TTN: variants seen among roughly 807,000 people sequenced by gnomAD.
The protein encoded by TTN is connectin.
TTN carries 1,525 observed loss-of-function variants against 3,223.0 expected under a neutral mutation model. The observed-to-expected ratio is 0.47, with a 90% CI of 0.45 to 0.49. TTN has a LOEUF of 0.49. Ranked by LOEUF, TTN falls within the 20% of genes least tolerant of loss-of-function variation. The probability of loss-of-function intolerance (pLI) is 0.00; values close to 1 mark genes in which losing one functional copy is unlikely to be tolerated. For synonymous variants in TTN, 14,094 were observed against 15,161.0 expected (o/e 0.93, Z 5.17); for missense variants, 40,786 against 43,424.0 (o/e 0.94, Z 5.40).
At chr2:178,604,518 GTATC>G (rs2054289710) in intron 281 of TTN, among the ~76,000 whole-genome samples, 186 bp downstream of exon 281, 1 of 151,986 alleles carries the variant, frequency 6.6e-6, no homozygotes, top group South Asian at 2.1e-4. Flanking sequence ...AATTAAAAGA[GTATC>G]TGTGTATCAA....
intron 111 of TTN, among the ~76,000 whole-genome samples, chr2:178,699,679 G>A (rs1301184535): frequency 6.9e-6 from 1 of 144,870 alleles, no homozygotes; most frequent in African/African-American, 2.5e-5. Flanking sequence ...CCAAAGTGCT[G>A]GGATTACAGG....
At chr2:178,805,601 G>A (rs2094280987) in intron 1 of TTN, among the ~76,000 whole-genome samples, 1 of 152,088 alleles carries the variant, frequency 6.6e-6, no homozygotes, top group Non-Finnish European at 1.5e-5. Context: ...ACGGCATACG[G>A]TGCTTTCTAT....
rs180798672 is a variant in TTN at position 178,553,211 on chromosome 2, G to A, written c.89689C>T (p.Leu29897Phe). 18 of 1,613,842 alleles carry A rather than the reference G, an allele frequency of 1.1e-5. No homozygotes were observed. The highest frequency in any genetic ancestry group is 6.7e-5 in the Admixed American group (4 of 60,022). The change falls in exon 335 of 363, where the codon CTC becomes TTC. Residue 29897 changes from leucine to phenylalanine, a missense_variant. Leu to Phe is a conservative substitution (Grantham distance 22, BLOSUM62 0). Coordinates refer to ENST00000589042, the MANE Select transcript of TTN (RefSeq NM_001267550.2). ...SIENTDSSSL[L>F]TIPQVTRNDT... ...TTGCGAGTAACTTGAGGAATGGTGA[G>A]TAATGAGGATGAATCAGTGTTTTCA... is the stretch of plus-strand genomic sequence containing the variant.
At position 178,564,717 on chromosome 2, in the gene TTN, C is replaced by T. The variant is rs763198311; in HGVS notation, c.81415G>A (p.Glu27139Lys). 3 of 1,613,292 alleles carry T rather than the reference C, an allele frequency of 1.9e-6. No homozygotes were observed. Among genetic ancestry groups the T allele is most frequent in the South Asian group, 2.2e-5 (2 of 91,044 alleles). The change falls in exon 326 of 363, where the codon GAG becomes AAG. Residue 27139 changes from glutamate (E) to lysine (K), a missense_variant. By Grantham distance (56) the Glu-to-Lys change is moderately conservative. Coordinates refer to ENST00000589042, the MANE Select transcript of TTN (RefSeq NM_001267550.2). ...DTKFKTTGLD[E>K]GLEYEFKVSA... The stretch of plus-strand genomic sequence containing the variant: ...ACTTTGAACTCATACTCAAGGCCCT[C>T]ATCAAGCCCAGTTGTTTTGAATTTG...
At chr2:178,747,486 C>A (rs376763463) in intron 47 of TTN, 8 of 1,613,226 alleles carry the variant, frequency 5.0e-6, no homozygotes, top group Non-Finnish European at 6.8e-6. Flanking sequence ...CTTCCCACAC[C>A]AATGGAAATG....
intron 180 of TTN, among the ~76,000 whole-genome samples, chr2:178,659,512 C>T (rs1327206220): frequency 6.7e-6 from 1 of 149,784 alleles, no homozygotes. Context: ...GCTAAAGACT[C>T]TCAATAAATT....
At position 178,684,457 on chromosome 2, in the gene TTN, C is replaced by T. The variant is rs754171749; in HGVS notation, c.32639-44G>A. Reference sequence around the variant, plus strand: ...GATTAGGGAGTTATATCAAAGTGGACGTAAAAAATATACTAGCCAGAAAGT... The same window carrying T: ...GATTAGGGAGTTATATCAAAGTGGATGTAAAAAATATACTAGCCAGAAAGT... On this transcript the variant is annotated intron_variant, in intron 131 of 362. Coordinates refer to ENST00000589042, the MANE Select transcript of TTN (RefSeq NM_001267550.2). 20 of 1,579,938 alleles carry T rather than the reference C, an allele frequency of 1.3e-5. 1 individual carries two copies. The highest frequency in any genetic ancestry group is 3.5e-5 in the Admixed American group (2 of 57,110).
intron 361 of TTN, 57 bp downstream of exon 361, chr2:178,528,216 CA>C (rs560208528): frequency 5.2e-6 from 8 of 1,538,618 alleles, no homozygotes; most frequent in Non-Finnish European, 7.0e-6. Context: ...GAAAGAGAGG[CA>C]AAAAAACGAT....
chr2:178,614,349 C>G lies in TTN; in HGVS notation c.49049-1G>C, dbSNP rs868064056. On this transcript the variant is annotated splice_acceptor_variant, in intron 261 of 362. Coordinates refer to ENST00000589042, the MANE Select transcript of TTN (RefSeq NM_001267550.2). LOFTEE classifies it high-confidence loss of function. ...AAGGCAGCTGGTGGTCCGGGTTTAT[C>G]TGTGTATGGCATTACAGATGCAGAA... The G allele has an allele frequency of 6.2e-7, 1 of 1,602,218 alleles. No homozygotes were observed. Among genetic ancestry groups the G allele is most frequent in the Non-Finnish European group, 8.5e-7 (1 of 1,176,730 alleles).
chr2:178,673,368 G>A (rs2067351218), intron 152 of TTN, among the ~76,000 whole-genome samples: 1 of 151,770 alleles, frequency 6.6e-6, no homozygotes, highest in Non-Finnish European at 1.5e-5. Context: ...CCATTGCTAT[G>A]TGTATAAGTA....
In TTN at chr2:178,718,686, A is replaced by G. The variant is rs776254956; in HGVS notation, c.24505+9T>C. 4 of 1,611,838 alleles carry G rather than the reference A, an allele frequency of 2.5e-6. No homozygotes were observed. The highest frequency in any genetic ancestry group is 3.4e-6 in the Non-Finnish European group (4 of 1,178,530). Reference sequence around the variant, plus strand: ...TTAAAAGATGTATATATTGGGGGAAAGAGCAAACCTTTCACAAAAAGATGT... The same window carrying G: ...TTAAAAGATGTATATATTGGGGGAAGGAGCAAACCTTTCACAAAAAGATGT... On this transcript the variant is annotated intron_variant, in intron 84 of 362. Coordinates refer to ENST00000589042, the MANE Select transcript of TTN (RefSeq NM_001267550.2).
At chr2:178,701,272 C>G in intron 110 of TTN, 69 bp from the exon 111 acceptor site, 1 of 1,405,026 alleles carries the variant, frequency 7.1e-7, no homozygotes. Context: ...AATGAAAAGT[C>G]TCATGCATTT....
chr2:178,581,777 T>A lies in TTN; in HGVS notation c.66491A>T (p.Lys22164Ile), dbSNP rs371081043. The A allele has an allele frequency of 3.1e-5, 49 of 1,600,888 alleles. No homozygotes were observed. In the African/African-American group the frequency reaches 6.2e-4, roughly 20 times the overall value. ...QYPPGPPAFP[K>I]VYDTTRSSVS... ...AGAGCTGCGAGTTGTATCATATACT[T>A]TAGGGAAAGCCGGTGGGCCAGGAGG... Residue 22164 changes from lysine to isoleucine, a missense_variant, in exon 316 of 363, where the codon AAA (lysine) becomes ATA (isoleucine). By Grantham distance (102) the Lys-to-Ile change is moderately radical. Transcript: ENST00000589042.
Position 178,717,693 on chromosome 2 carries a change from T to C in TTN, c.25181A>G (p.Tyr8394Cys). 3.7e-6 allele frequency: 6 copies of C among 1,613,482 alleles called. No homozygotes were observed. The highest frequency in any genetic ancestry group is 1.1e-5 in the South Asian group (1 of 91,052). ...NGSEPLQVSW[Y>C]KDGVLLKDDA... ...ATCTTTCAAAAGAACCCCATCCTTG[T>C]ACCAAGACACTTGAAGAGGTTCTGA... is the stretch of plus-strand genomic sequence containing the variant. Residue 8394 changes from tyrosine (Y) to cysteine (C), a missense_variant, in exon 87 of 363, where the codon TAC (tyrosine) becomes TGC (cysteine). By Grantham distance (194) the Tyr-to-Cys change is radical. Transcript: ENST00000589042.
chr2:178,599,229 T>C lies in TTN; in HGVS notation c.56564A>G (p.Tyr18855Cys). 1 of 1,539,980 alleles carries C rather than the reference T, an allele frequency of 6.5e-7. No homozygotes were observed. Among genetic ancestry groups the C allele is most frequent in the Non-Finnish European group, 8.7e-7 (1 of 1,148,282 alleles). Residue 18855 changes from tyrosine to cysteine, a missense_variant, in exon 290 of 363, where the codon TAT (tyrosine) becomes TGT (cysteine). By Grantham distance (194) the Tyr-to-Cys change is radical. Transcript: ENST00000589042. Reference sequence around the variant, plus strand: ...ATTCTGGGCCATGATTCGGAATACATATTCATGGCCTTCTAGCAATTTGGG... The same window carrying C: ...ATTCTGGGCCATGATTCGGAATACACATTCATGGCCTTCTAGCAATTTGGG... ...TIPKLLEGHE[Y>C]VFRIMAQNKY...
chr2:178,615,959 T>G (rs1426763287), intron 257 of TTN, among the ~76,000 whole-genome samples, 171 bp from the exon 258 acceptor site: 3 of 151,972 alleles, frequency 2.0e-5, no homozygotes, highest in African/African-American at 4.8e-5. Context: ...ATGATAATAT[T>G]TGACTCAATA....
chr2:178,563,427 A>C lies in TTN; in HGVS notation c.82705T>G (p.Tyr27569Asp). 1 of 1,613,592 alleles carries C rather than the reference A, an allele frequency of 6.2e-7. No homozygotes were observed. Among genetic ancestry groups the C allele is most frequent in the Non-Finnish European group, 8.5e-7 (1 of 1,179,736 alleles). ...SVFYRACDAL[Y>D]PPGPPSNPKV... ...GGATTGCTTGGGGGACCTGGTGGAT[A>C]CAAGGCATCACACGCACGGTAGAAA... Residue 27569 changes from tyrosine to aspartate, a missense_variant, in exon 326 of 363, where the codon TAT (tyrosine) becomes GAT (aspartate). Transcript: ENST00000589042. The surrounding 1 kb of genome is among the most constrained non-coding windows in gnomAD (Gnocchi z 4.5).
rs1560880563 is a variant in TTN, at chr2:178,738,205, A to G, written c.14248T>C (p.Ser4750Pro). Residue 4750 changes from serine to proline, a missense_variant, in exon 49 of 363, where the codon TCT (serine) becomes CCT (proline). By Grantham distance (74) the Ser-to-Pro change is moderately conservative (BLOSUM62 -1). Transcript: ENST00000589042. ...TCAAGGCTGGAGATATACTTTGAAG[A>G]TCGAATAGAACACTTGTCACTCTCA... ...IYESDKCSIR[S>P]SKYISSLEIL... is the part of the protein sequence containing the mutation. 1.2e-6 allele frequency: 2 copies of G among 1,613,754 alleles called. No individual in the cohort carries two copies. Among genetic ancestry groups the G allele is most frequent in the Admixed American group, 1.7e-5 (1 of 60,004 alleles).
chr2:178,726,209 C>T lies in TTN; in HGVS notation c.20276-163G>A, dbSNP rs1290551355. 6 of 778,572 alleles carry T rather than the reference C, an allele frequency of 7.7e-6. 1 individual carries two copies. The highest frequency in any genetic ancestry group is 7.1e-5 in the African/African-American group (4 of 56,016). The allele number at this position is 778,572 out of a possible 1,614,324, so 48.2% of individuals were successfully genotyped here. A position where few individuals can be genotyped will look rare whatever the true frequency, so the allele number is the denominator to read the frequency against. ...GATAACAGCCTCAGAAGCCATTTGC[C>T]TTCACAAGATAACCAGCTAGATGGG... On this transcript the variant is annotated intron_variant, in intron 69 of 362. Coordinates refer to ENST00000589042, the MANE Select transcript of TTN (RefSeq NM_001267550.2).
Sources: gnomAD v4.1 joint callset for allele counts (sites outside exome capture counted in the v4.1 genomes callset) on GRCh38, gnomAD v4.1.1 for gene constraint, Gnocchi (gnomAD v3.1) non-coding constraint, MANE v1.5 for transcripts, NCBI Gene and HGNC (gene_info 2026-07-23, HGNC 2026-07-21) for gene names.